Variants in HERC4 observed in about 807,000 individuals in gnomAD.
HERC4 encodes the protein probable E3 ubiquitin-protein ligase HERC4.
A neutral mutation model predicts 124.3 loss-of-function variants in HERC4; 28 were observed. The observed-to-expected ratio is 0.23, with a 90% CI of 0.17 to 0.31. The LOEUF (loss-of-function observed/expected upper bound fraction) is 0.31, where lower values mean the gene tolerates loss of function less well. Among genes scored for constraint, HERC4 ranks in the 10% least tolerant of loss-of-function variants. The pLI, the probability that HERC4 is intolerant of heterozygous loss-of-function variation, is 1.00. For missense variants in HERC4, 713 were observed against 1,229.3 expected (o/e 0.58, Z 6.28); for synonymous variants, 407 against 421.5 (o/e 0.97, Z 0.42).
rs189094355 is a variant in HERC4 at position 67,992,660 on chromosome 10, T to C, written c.1092A>G (p.Val364=). 5.0e-4 allele frequency: 763 copies of C among 1,538,704 alleles called. 2 individuals are homozygous for C. The African/African-American group carries it at 9.0e-3, about 18-fold the overall frequency. ...GATCTCCCCCTGAGAAAATTCTTTT[T>C]ACACAGAAATATTCTTCAGAATCTG... ...PDIDSEEYFC[V]KRIFSGGDQS... is the part of the protein sequence containing the mutation. The change falls in exon 10 of 25, where the codon GTA becomes GTG. Residue 364 remains valine, a synonymous_variant. Transcript: ENST00000373700.
Position 67,955,731 on chromosome 10 carries a change from A to C in HERC4, c.2026-601T>G, listed in dbSNP as rs1263770602. ...GGTTCCAGTGAGCTGAGACTGTACC[A>C]CTGCACTACAGCCTGGGCGACAAGA... On this transcript the variant is annotated intron_variant, in intron 17 of 24. Transcript: ENST00000373700. 5 of 152,380 alleles carry C rather than the reference A, an allele frequency of 3.3e-5. No individual in the cohort carries two copies. The East Asian group carries it at 9.6e-4, about 29-fold the overall frequency. 9.4% of individuals were successfully genotyped at this position (152,380 alleles called of 1,614,324 possible). A position where few individuals can be genotyped will look rare whatever the true frequency, so the allele number is the denominator to read the frequency against.
chr10:67,974,910 G>T (rs2035488722), intron 15 of HERC4, among the ~76,000 whole-genome samples: 1 of 152,064 alleles, frequency 6.6e-6, no homozygotes, highest in Admixed American at 6.5e-5. Flanking sequence ...CTCAAATTTG[G>T]CTGGGCGCAG....
chr10:68,067,229 A>G (rs1395247354), intron 3 of HERC4: 1 of 152,658 alleles, frequency 6.6e-6, no homozygotes, highest in African/African-American at 2.4e-5. Context: ...TACACAAAGT[A>G]AAGTATTATT....
At chr10:67,973,690 G>C (rs982185629) in intron 15 of HERC4, among the ~76,000 whole-genome samples, 1 of 152,072 alleles carries the variant, frequency 6.6e-6, no homozygotes, top group Admixed American at 6.6e-5. Context: ...GGCAGCTAAC[G>C]GATATGGAAA....
intron 15 of HERC4, among the ~76,000 whole-genome samples, chr10:67,974,847 C>T (rs537469496): frequency 8.5e-5 from 13 of 152,194 alleles, no homozygotes; most frequent in African/African-American, 2.6e-4. Flanking sequence ...GTATGCATAT[C>T]GAGAAGGGAA....
At chr10:67,998,529 A>G (rs1452406827) in intron 9 of HERC4, among the ~76,000 whole-genome samples, 1 of 137,608 alleles carries the variant, frequency 7.3e-6, no homozygotes, top group Non-Finnish European at 1.5e-5. Flanking sequence ...CCTGTGCAAA[A>G]GAGTGACACT....
intron 15 of HERC4, among the ~76,000 whole-genome samples, chr10:67,972,549 A>T (rs2035311537): frequency 6.6e-6 from 1 of 151,062 alleles, no homozygotes; most frequent in Non-Finnish European, 1.5e-5. Context: ...AAAAAAAAAA[A>T]AAAAAAGAAT....
intron 9 of HERC4, among the ~76,000 whole-genome samples, chr10:68,000,717 T>C (rs1434948731): frequency 6.6e-6 from 1 of 152,190 alleles, no homozygotes; most frequent in Non-Finnish European, 1.5e-5. Context: ...ATGTTTTGTG[T>C]CCTTATAAAA....
intron 8 of HERC4, 146 bp downstream of exon 8, chr10:68,025,400 G>T: frequency 1.3e-6 from 1 of 748,210 alleles, no homozygotes; most frequent in Non-Finnish European, 2.1e-6. Flanking sequence ...TGTTTCTCCT[G>T]TTACTATGAC....
intron 3 of HERC4, among the ~76,000 whole-genome samples, chr10:68,062,911 C>T (rs544752347): frequency 6.6e-6 from 1 of 152,174 alleles, no homozygotes; most frequent in South Asian, 2.1e-4. Flanking sequence ...AAATTAAATT[C>T]AAGCTCCTTA....
At chr10:68,028,275 T>C (rs987219557) in intron 7 of HERC4, among the ~76,000 whole-genome samples, 3 of 151,862 alleles carry the variant, frequency 2.0e-5, no homozygotes, top group Admixed American at 6.6e-5. Context: ...AGTGTTGTCC[T>C]AGCAACTTCC....
chr10:67,982,151 G>A (rs189378775), intron 15 of HERC4, among the ~76,000 whole-genome samples: 59 of 152,206 alleles, frequency 3.9e-4, no homozygotes, highest in African/African-American at 9.9e-4. Context: ...ACCCAGAATA[G>A]TCAAAGCTAT....
At position 68,059,714 on chromosome 10, in the gene HERC4, A is replaced by ATTAT. The variant is rs1366112740; in HGVS notation, c.226+13168_226+13169insATAA. Among the ~76,000 whole-genome samples the ATTAT allele has an allele frequency of 4.4e-4, 23 of 52,606 alleles. 6 individuals carry two copies. The African/African-American group carries it at 5.6e-3, about 13-fold the overall frequency. 34.5% of individuals were successfully genotyped at this position (52,606 alleles called of 152,430 possible). ...TATATATTATAATATTATATATCAT[A>ATTAT]ATATTATATATTATATATCATAATA... On this transcript the variant is annotated intron_variant, in intron 3 of 24. Coordinates refer to ENST00000373700, the MANE Select transcript of HERC4 (RefSeq NM_015601.4).
intron 3 of HERC4, among the ~76,000 whole-genome samples, chr10:68,059,507 A>AACATTATATATT (rs1564607142): frequency 1.6e-4 from 20 of 121,314 alleles, no homozygotes; most frequent in African/African-American, 5.6e-4. Flanking sequence ...TATATATTAT[A>AACATTATATATT]ATATTATATA....
intron 3 of HERC4, among the ~76,000 whole-genome samples, chr10:68,054,773 T>C (rs931097644): frequency 7.2e-5 from 11 of 152,094 alleles, no homozygotes; most frequent in African/African-American, 2.7e-4. Context: ...AATAATTACA[T>C]TGCTATTTTG....
chr10:67,988,954 G>A, intron 14 of HERC4, 119 bp from the exon 15 acceptor site: 1 of 732,082 alleles, frequency 1.4e-6, no homozygotes, highest in African/African-American at 1.8e-5. Flanking sequence ...ACCCCAGAAA[G>A]ATGCATATAA....
chr10:67,961,269 T>G (rs2034500618), intron 16 of HERC4: 1 of 158,478 alleles, frequency 6.3e-6, no homozygotes, highest in Non-Finnish European at 1.4e-5. Context: ...AAAGGTTCAC[T>G]TCAAATATAC....
intron 3 of HERC4, among the ~76,000 whole-genome samples, chr10:68,052,038 C>A (rs916271315): frequency 3.3e-5 from 5 of 151,806 alleles, no homozygotes; most frequent in African/African-American, 1.2e-4. Flanking sequence ...GTGTTCCTAT[C>A]AGTATTTATG....
intron 19 of HERC4, among the ~76,000 whole-genome samples, chr10:67,941,669 CTTTTTTTTT>C (rs755666986): frequency 2.0e-3 from 181 of 91,768 alleles, no homozygotes; most frequent in Non-Finnish European, 2.8e-3. Context: ...TAAAACACAA[CTTTTTTTTT>C]TTTTTTTTTT....
Sources: allele counts gnomAD v4.1 joint callset (sites outside exome capture counted in the v4.1 genomes callset), GRCh38; gene constraint gnomAD v4.1.1; transcripts MANE v1.5; gene names NCBI Gene and HGNC (gene_info 2026-07-23, HGNC 2026-07-21).